TTC27: variants seen among roughly 807,000 people sequenced by gnomAD.
TTC27 encodes the protein tetratricopeptide repeat domain 27.
Under a neutral mutation model 115.9 loss-of-function variants are expected in TTC27, and 79 were observed. The ratio of observed to expected loss-of-function variants is 0.68; its 90% CI spans 0.57 to 0.82. The LOEUF (loss-of-function observed/expected upper bound fraction) is 0.82. Ranked by LOEUF, TTC27 falls within the 40% of genes least tolerant of loss-of-function variation. TTC27 has a pLI of 0.00. For synonymous variants in TTC27, 401 were observed against 356.0 expected (o/e 1.13, Z -1.42); for missense variants, 1,054 against 993.1 (o/e 1.06, Z -0.82).
In TTC27 at chr2:32,633,969, C is replaced by T; in HGVS notation, c.360C>T (p.Asp120=). 1 of 1,613,760 alleles carries T rather than the reference C, an allele frequency of 6.2e-7. No homozygotes were observed. Among genetic ancestry groups the T allele is most frequent in the Non-Finnish European group, 8.5e-7 (1 of 1,179,820 alleles). ...CCCCTGTTGACTTACACCCTCAGGACTTTTTGTCATCTGTTTTGTTCCAGC... is the reference window on the plus strand; with the variant it reads ...CCCCTGTTGACTTACACCCTCAGGATTTTTTGTCATCTGTTTTGTTCCAGC... ...TGPPVDLHPQ[D]FLSSVLFQQF... The change falls in exon 3 of 20, where the codon GAC becomes GAT. Residue 120 remains aspartate, a synonymous_variant. Coordinates refer to ENST00000317907, the MANE Select transcript of TTC27 (RefSeq NM_017735.5).
rs116412090 is a variant in TTC27, at chr2:32,724,490, T to A, written c.1234-9338T>A. 1.2e-3 allele frequency among the ~76,000 whole-genome samples: 184 copies of A among 150,196 alleles called. 1 individual carries two copies. Among genetic ancestry groups the A allele is most frequent in the Middle Eastern group, 3.4e-3 (1 of 294 alleles). On this transcript the variant is annotated intron_variant, in intron 10 of 19. Transcript: ENST00000317907. The stretch of plus-strand genomic sequence containing the variant: ...ACTGAATGCCTCACCACCACACAGT[T>A]TTTTTTTTTAAGACAGTTGTGTTTA...
chr2:32,695,607 T>C (rs977563355), intron 9 of TTC27, among the ~76,000 whole-genome samples: 77 of 150,646 alleles, frequency 5.1e-4, no homozygotes, highest in African/African-American at 1.9e-3. Context: ...CAGTCCCAGC[T>C]ACTCGGGAGG....
chr2:32,642,952 A>T (rs1018824606), intron 4 of TTC27, among the ~76,000 whole-genome samples: 2 of 151,484 alleles, frequency 1.3e-5, no homozygotes, highest in African/African-American at 4.9e-5. Flanking sequence ...TATAGGCATA[A>T]GCCACCATTC....
At chr2:32,768,827 A>T (rs546912419) in intron 13 of TTC27, among the ~76,000 whole-genome samples, 1 of 152,198 alleles carries the variant, frequency 6.6e-6, no homozygotes, top group African/African-American at 2.4e-5. Flanking sequence ...AGACGTTGGA[A>T]TCAGAGAGGA....
intron 19 of TTC27, among the ~76,000 whole-genome samples, chr2:32,819,070 A>G (rs1454814027): frequency 6.6e-6 from 1 of 152,122 alleles, no homozygotes; most frequent in East Asian, 1.9e-4. Context: ...CCTACTTTTG[A>G]TCAGTGATCT....
At chr2:32,661,113 G>C (rs577123721) in intron 5 of TTC27, among the ~76,000 whole-genome samples, 1 of 152,128 alleles carries the variant, frequency 6.6e-6, no homozygotes, top group Non-Finnish European at 1.5e-5. Context: ...CCTCTACTCT[G>C]TTTCATTGGT....
chr2:32,741,708 C>G (rs894692608), intron 12 of TTC27, among the ~76,000 whole-genome samples: 1 of 152,022 alleles, frequency 6.6e-6, no homozygotes, highest in Non-Finnish European at 1.5e-5. Flanking sequence ...GCCCCAGAAC[C>G]TGGCAAAGTT....
intron 10 of TTC27, among the ~76,000 whole-genome samples, chr2:32,732,372 G>T (rs191348485): frequency 9.8e-5 from 15 of 152,316 alleles, no homozygotes; most frequent in Non-Finnish European, 1.9e-4. Context: ...GATTGTCAAC[G>T]AAGTGTTGTG....
rs993021792 is a variant in TTC27, at chr2:32,628,399, G to T, written c.88+19G>T. On this transcript the variant is annotated intron_variant, in intron 1 of 19. Transcript: ENST00000317907. ...GGTTCAGGTGAGAGGCGCACCTACCGGGCCTTAGGCTATCGTGGGAACTGT... is the reference window on the plus strand; with the variant it reads ...GGTTCAGGTGAGAGGCGCACCTACCTGGCCTTAGGCTATCGTGGGAACTGT... The T allele has an allele frequency of 6.4e-7, 1 of 1,565,494 alleles. No homozygotes were observed. The highest frequency in any genetic ancestry group is 1.7e-4 in the Middle Eastern group (1 of 5,846).
At chr2:32,638,212 G>GT (rs1028627513) in intron 3 of TTC27, among the ~76,000 whole-genome samples, 68 of 149,942 alleles carry the variant, frequency 4.5e-4, no homozygotes, top group Admixed American at 7.3e-4. Context: ...AATTATTGAA[G>GT]TTTTTTTTTT....
Position 32,817,247 on chromosome 2 carries a change from T to TA in TTC27, c.2309-198dup, listed in dbSNP as rs538198225. On this transcript the variant is annotated intron_variant, in intron 18 of 19. Coordinates refer to ENST00000317907, the MANE Select transcript of TTC27 (RefSeq NM_017735.5). ...AGCGACAGGGTGAGACCCTGTATCT[T>TA]AAAAAAAAAAAAGAAGAAGAAGAAG... Among the ~76,000 whole-genome samples the TA allele has an allele frequency of 1.0e-2, 1,419 of 142,512 alleles. 9 individuals carry two copies. Among genetic ancestry groups the TA allele is most frequent in the Non-Finnish European group, 0.014 (926 of 64,990 alleles). The allele number at this position is 142,512 out of a possible 152,430, so 93.5% of individuals were successfully genotyped here. A position where few individuals can be genotyped will look rare whatever the true frequency, so the allele number is the denominator to read the frequency against.
At chr2:32,668,376 GAAA>G (rs112747168) in intron 7 of TTC27, among the ~76,000 whole-genome samples, 1 of 100,108 alleles carries the variant, frequency 1.0e-5, no homozygotes, top group Non-Finnish European at 2.1e-5. Context: ...AACTCCCTTT[GAAA>G]AAAAAAAAAA....
chr2:32,741,748 T>A (rs563630093), intron 12 of TTC27, among the ~76,000 whole-genome samples: 1 of 152,316 alleles, frequency 6.6e-6, no homozygotes, highest in African/African-American at 2.4e-5. Context: ...CAATCATATT[T>A]GCTGCATGAG....
intron 13 of TTC27, among the ~76,000 whole-genome samples, chr2:32,767,373 T>TATGTTATA (rs1456638232): frequency 7.2e-5 from 11 of 152,014 alleles, no homozygotes; most frequent in Non-Finnish European, 1.5e-4. Context: ...ATATTTTGTC[T>TATGTTATA]TGTTAAAAAT....
At chr2:32,791,549 G>A (rs1670536679) in intron 16 of TTC27, among the ~76,000 whole-genome samples, 1 of 152,166 alleles carries the variant, frequency 6.6e-6, no homozygotes, top group Admixed American at 6.6e-5. Context: ...CAGTCATTTG[G>A]CTAGTAGGAA....
intron 3 of TTC27, among the ~76,000 whole-genome samples, chr2:32,636,462 C>T (rs376199069): frequency 1.3e-5 from 2 of 152,282 alleles, no homozygotes; most frequent in South Asian, 2.1e-4. Context: ...GATCCACCCG[C>T]CTCGGCCTCC....
intron 12 of TTC27, among the ~76,000 whole-genome samples, chr2:32,747,732 G>A (rs972654767): frequency 9.9e-5 from 15 of 152,124 alleles, no homozygotes; most frequent in Admixed American, 5.2e-4. Context: ...TTGTAGAATG[G>A]TGTTTTTAAC....
chr2:32,787,396 G>A lies in TTC27; in HGVS notation c.1998+247G>A, dbSNP rs537145262. On this transcript the variant is annotated intron_variant, in intron 16 of 19. Coordinates refer to ENST00000317907, the MANE Select transcript of TTC27 (RefSeq NM_017735.5). ...CTCAGTTATGAAAATCTGATATGTG[G>A]GTTACATATATAGTCACTTTGCAGA... 2.6e-5 allele frequency among the ~76,000 whole-genome samples: 4 copies of A among 152,158 alleles called. No individual in the cohort carries two copies. The South Asian group carries it at 8.3e-4, about 32-fold the overall frequency.
chr2:32,671,293 A>ATT (rs34190032), intron 7 of TTC27, among the ~76,000 whole-genome samples: 44 of 151,100 alleles, frequency 2.9e-4, no homozygotes, highest in African/African-American at 7.5e-4. Flanking sequence ...GTGAAGGGTC[A>ATT]TTTTTTTTTC....
Sources: gnomAD v4.1 joint callset for allele counts (sites outside exome capture counted in the v4.1 genomes callset) on GRCh38, gnomAD v4.1.1 for gene constraint, MANE v1.5 for transcripts, NCBI Gene and HGNC (gene_info 2026-07-23, HGNC 2026-07-21) for gene names.